PLXNA4: variants seen among roughly 807,000 people sequenced by gnomAD.
PLXNA4 encodes plexin A4.
In PLXNA4, 44 loss-of-function variants were observed where a neutral mutation model predicts 191.8. The ratio of observed to expected loss-of-function variants is 0.23; its 90% CI spans 0.18 to 0.29. The LOEUF is 0.29. PLXNA4 is among the 10% of genes least tolerant of loss of function. PLXNA4 has a pLI of 1.00. For synonymous variants in PLXNA4, 1,082 were observed against 1,009.5 expected (o/e 1.07, Z -1.36); for missense variants, 1,800 against 2,488.8 (o/e 0.72, Z 5.89).
At chr7:132,482,227 G>C (rs143763557) in intron 3 of PLXNA4, among the ~76,000 whole-genome samples, 1 of 152,142 alleles carries the variant, frequency 6.6e-6, no homozygotes, top group East Asian at 1.9e-4. Context: ...TACAGCAAAG[G>C]GGATGGGGTG....
intron 3 of PLXNA4, chr7:132,383,986 T>C (rs1259657580): frequency 2.0e-6 from 2 of 985,342 alleles, no homozygotes; most frequent in African/African-American, 1.7e-5. Flanking sequence ...CCCATCCCTA[T>C]GCAGGTGCAC....
chr7:132,358,897 A>G (rs1290469576), intron 3 of PLXNA4, among the ~76,000 whole-genome samples: 1 of 152,204 alleles, frequency 6.6e-6, no homozygotes, highest in African/African-American at 2.4e-5. Context: ...AGGACTGGGA[A>G]GGTCAGGGTC....
chr7:132,491,165 G>A (rs1797782049), intron 2 of PLXNA4, among the ~76,000 whole-genome samples: 2 of 152,232 alleles, frequency 1.3e-5, no homozygotes, highest in Admixed American at 1.3e-4. Flanking sequence ...CCCGCTCTTT[G>A]ATGGGCTACC....
At chr7:132,426,606 A>G (rs1169952201) in intron 3 of PLXNA4, among the ~76,000 whole-genome samples, 1 of 152,186 alleles carries the variant, frequency 6.6e-6, no homozygotes, top group African/African-American at 2.4e-5. Context: ...TGGGAGGCAC[A>G]TTCTTCATTC....
intron 2 of PLXNA4, among the ~76,000 whole-genome samples, chr7:132,632,567 T>A (rs756987404): frequency 1.3e-5 from 2 of 152,130 alleles, no homozygotes; most frequent in Non-Finnish European, 2.9e-5. Flanking sequence ...GTAGCATCCA[T>A]CTCTACAGCT....
intron 4 of PLXNA4, among the ~76,000 whole-genome samples, chr7:132,296,158 GGA>G (rs1164179314): frequency 6.6e-6 from 1 of 152,142 alleles, no homozygotes; most frequent in Non-Finnish European, 1.5e-5. Flanking sequence ...ACATCTGTGT[GGA>G]GCAGCCCTGG....
At chr7:132,323,156 T>A (rs1320964906) in intron 3 of PLXNA4, among the ~76,000 whole-genome samples, 1 of 152,200 alleles carries the variant, frequency 6.6e-6, no homozygotes, top group Non-Finnish European at 1.5e-5. Flanking sequence ...TTGTCCAGCC[T>A]GTCTTCCCTT....
At chr7:132,168,154 T>A (rs779582960) in intron 22 of PLXNA4, 150 bp downstream of exon 22, 30 of 1,177,738 alleles carry the variant, frequency 2.5e-5, no homozygotes, top group Non-Finnish European at 3.0e-5. Flanking sequence ...TAAGGGGGCC[T>A]GCAATGTAGT....
Position 132,303,975 on chromosome 7 carries a change from G to A in PLXNA4, c.1372-5753C>T, listed in dbSNP as rs546760809. Among the ~76,000 whole-genome samples the A allele has an allele frequency of 2.1e-4, 32 of 152,288 alleles. No individual in the cohort carries two copies. In the South Asian group the frequency reaches 4.8e-3, roughly 23 times the overall value. ...AGTGGGCAGGGAGCATCATGACCAA[G>A]AGCTACCAATATGGCATGCCAGTGA... On this transcript the variant is annotated intron_variant, in intron 3 of 31. Coordinates refer to ENST00000321063, the MANE Select transcript of PLXNA4 (RefSeq NM_020911.2).
intron 3 of PLXNA4, among the ~76,000 whole-genome samples, chr7:132,393,026 AT>A (rs1793578002): frequency 7.6e-6 from 1 of 131,402 alleles, no homozygotes; most frequent in Non-Finnish European, 1.6e-5. Context: ...ACCCTACCCC[AT>A]GCCCCAGCCA....
chr7:132,194,977 C>T (rs1797209020), intron 13 of PLXNA4, among the ~76,000 whole-genome samples: 1 of 151,574 alleles, frequency 6.6e-6, no homozygotes, highest in Non-Finnish European at 1.5e-5. Context: ...ATGTATTCTT[C>T]ATTTTACAAA....
chr7:132,459,249 A>G (rs1159128308), intron 3 of PLXNA4, among the ~76,000 whole-genome samples: 1 of 152,184 alleles, frequency 6.6e-6, no homozygotes, highest in African/African-American at 2.4e-5. Flanking sequence ...CCCTAATTTA[A>G]AAATTGCCTG....
In PLXNA4 at chr7:132,231,227, C is replaced by T. The variant is rs571866363; in HGVS notation, c.1605-2758G>A. ...GGGACAAAACAGTACCTACCTAATA[C>T]GGTTATTATGAGGATTAAATGAGAT... On this transcript the variant is annotated intron_variant, in intron 5 of 31. Transcript: ENST00000321063. Among the ~76,000 whole-genome samples, 22 of 152,218 alleles carry T rather than the reference C, an allele frequency of 1.4e-4. No individual in the cohort carries two copies. The South Asian group carries it at 1.9e-3, about 13-fold the overall frequency.
chr7:132,377,731 G>T (rs896600112), intron 3 of PLXNA4, among the ~76,000 whole-genome samples: 1 of 152,118 alleles, frequency 6.6e-6, no homozygotes, highest in Non-Finnish European at 1.5e-5. Context: ...CTGCCTACTT[G>T]CAAATCCCTT....
chr7:132,345,275 A>C (rs1433348994), intron 3 of PLXNA4, among the ~76,000 whole-genome samples: 1 of 152,186 alleles, frequency 6.6e-6, no homozygotes, highest in African/African-American at 2.4e-5. Context: ...TTAAATCGAC[A>C]CTCCAAAGAT....
intron 3 of PLXNA4, among the ~76,000 whole-genome samples, chr7:132,461,288 G>T (rs949545633): frequency 3.3e-5 from 5 of 152,198 alleles, no homozygotes; most frequent in Admixed American, 1.3e-4. Context: ...CTCAGGTAAG[G>T]TTGCATGAAT....
At chr7:132,249,301 A>T (rs1315623916) in intron 4 of PLXNA4, among the ~76,000 whole-genome samples, 1 of 152,260 alleles carries the variant, frequency 6.6e-6, no homozygotes, top group African/African-American at 2.4e-5. Flanking sequence ...AATGAAAAGT[A>T]GCAGATGTTG....
chr7:132,350,414 G>A (rs1394652974), intron 3 of PLXNA4, among the ~76,000 whole-genome samples: 1 of 152,154 alleles, frequency 6.6e-6, no homozygotes, highest in East Asian at 1.9e-4. Context: ...GCTGAGGCAT[G>A]AGAATTGCTT....
At position 132,332,867 on chromosome 7, in the gene PLXNA4, G is replaced by GA. The variant is rs537591833; in HGVS notation, c.1372-34646dup. 5.8e-3 allele frequency among the ~76,000 whole-genome samples: 571 copies of GA among 98,522 alleles called. 1 individual carries two copies. The highest frequency in any genetic ancestry group is 0.014 in the Middle Eastern group (3 of 220). 64.6% of individuals were successfully genotyped at this position (98,522 alleles called of 152,430 possible). A position where few individuals can be genotyped will look rare whatever the true frequency, so the allele number is the denominator to read the frequency against. ...AGAGTAAGCCCCTGTCTCAAAAAAA[G>GA]AAAAAAAAAAAAAAGGACAGGACAT... is the stretch of plus-strand genomic sequence containing the variant. On this transcript the variant is annotated intron_variant, in intron 3 of 31. Coordinates refer to ENST00000321063, the MANE Select transcript of PLXNA4 (RefSeq NM_020911.2).
Sources: allele counts gnomAD v4.1 joint callset (sites outside exome capture counted in the v4.1 genomes callset), GRCh38; gene constraint gnomAD v4.1.1; transcripts MANE v1.5; gene names NCBI Gene and HGNC (gene_info 2026-07-23, HGNC 2026-07-21).